ACSM2A: variants seen among roughly 807,000 people sequenced by gnomAD.
ACSM2A encodes the protein acyl-coenzyme A synthetase ACSM2A, mitochondrial.
A neutral mutation model predicts 76.6 loss-of-function variants in ACSM2A; 72 were observed. The ratio of observed to expected loss-of-function variants is 0.94; its 90% CI spans 0.78 to 1.14. The LOEUF (loss-of-function observed/expected upper bound fraction) is 1.14, where lower values mean the gene tolerates loss of function less well. Among genes scored for constraint, ACSM2A ranks in the 50% most tolerant of loss-of-function variants. The probability of loss-of-function intolerance (pLI) is 0.00; values close to 1 mark genes in which losing one functional copy is unlikely to be tolerated. For synonymous variants in ACSM2A, 249 were observed against 255.9 expected, an observed-to-expected ratio of 0.97 and a Z score of 0.26; for missense variants, 684 against 708.5, an observed-to-expected ratio of 0.97 and a Z score of 0.39.
intron 2 of ACSM2A, among the ~76,000 whole-genome samples, chr16:20,463,055 G>A (rs2012728562): frequency 7.7e-6 from 1 of 129,280 alleles, no homozygotes; most frequent in Non-Finnish European, 1.6e-5. Context: ...ACACAGGAAG[G>A]GGAACATCAC....
chr16:20,451,768 G>A (rs999950081), intron 1 of ACSM2A, 87 bp downstream of exon 1: 4 of 149,062 alleles, frequency 2.7e-5, no homozygotes, highest in African/African-American at 9.9e-5. Context: ...GGTGAGAAGA[G>A]CAAAAATCCT....
intron 13 of ACSM2A, among the ~76,000 whole-genome samples, chr16:20,485,599 A>G (rs1225140198): frequency 6.6e-6 from 1 of 152,244 alleles, no homozygotes; most frequent in Non-Finnish European, 1.5e-5. Context: ...GAGTGTTTCA[A>G]TGAAACTTTA....
intron 2 of ACSM2A, among the ~76,000 whole-genome samples, chr16:20,464,686 G>C (rs999529523): frequency 1.3e-5 from 2 of 152,128 alleles, no homozygotes; most frequent in African/African-American, 2.4e-5. Flanking sequence ...TTCAACATGA[G>C]ACTTGGAGAG....
At chr16:20,473,660 A>G (rs1352363201) in intron 6 of ACSM2A, among the ~76,000 whole-genome samples, 1 of 152,020 alleles carries the variant, frequency 6.6e-6, no homozygotes, top group Non-Finnish European at 1.5e-5. Flanking sequence ...CAAAAATAAA[A>G]TCCTAAGGCC....
chr16:20,475,945 A>C lies in ACSM2A; in HGVS notation c.1098+172A>C. On this transcript the variant is annotated intron_variant, in intron 8 of 13. Transcript: ENST00000573854. ...TTGAAAATTCCGCACAGAACAAAAA[A>C]GGCAAAGTTCCTGTTTTCTGGGAGA... is the stretch of plus-strand genomic sequence containing the variant. 2.1e-6 allele frequency: 3 copies of C among 1,429,880 alleles called. No individual in the cohort carries two copies. In the South Asian group the frequency reaches 4.8e-5, roughly 23 times the overall value. 88.6% of individuals were successfully genotyped at this position (1,429,880 alleles called of 1,614,324 possible).
In ACSM2A at chr16:20,469,381, A is replaced by C. The variant is rs923296715; in HGVS notation, c.389-131A>C. On this transcript the variant is annotated intron_variant, in intron 3 of 13. Transcript: ENST00000573854. ...TTGTCCTTAGTTCCCTTTTTTATTG[A>C]CACTCTCTATTGGTCATTACTTCCT... 6 of 1,467,780 alleles carry C rather than the reference A, an allele frequency of 4.1e-6. No individual in the cohort carries two copies. The African/African-American group carries it at 8.5e-5, about 21-fold the overall frequency. 90.9% of individuals were successfully genotyped at this position (1,467,780 alleles called of 1,614,324 possible).
chr16:20,479,966 T>C (rs375449485), intron 10 of ACSM2A, among the ~76,000 whole-genome samples: 3 of 152,306 alleles, frequency 2.0e-5, no homozygotes, highest in African/African-American at 7.2e-5. Flanking sequence ...TATGCCACCA[T>C]ATATAATCCA....
Position 20,460,175 on chromosome 16 carries a change from C to A in ACSM2A, c.61C>A (p.Arg21Ser), listed in dbSNP as rs769438390. 6.2e-7 allele frequency: 1 copy of A among 1,613,164 alleles called. No individual in the cohort carries two copies. Among genetic ancestry groups the A allele is most frequent in the South Asian group, 1.1e-5 (1 of 91,016 alleles). The part of the protein sequence containing the change: ...CTLWGTQMSS[R>S]TLYINSRQLV... The stretch of plus-strand genomic sequence containing the variant: ...CCTGTGGGGTACTCAGATGTCCAGC[C>A]GCACTCTCTACATTAATAGTAGGCA... Residue 21 changes from arginine to serine, a missense_variant, in exon 2 of 14, where the codon CGC becomes AGC. Physicochemically the swap from Arg to Ser is moderately radical, Grantham distance 110. This residue lies in a region of ACSM2A where 519 missense variants were observed against 549.5 expected (regional missense o/e 0.94). Transcript: ENST00000573854.
rs556547446 is a variant in ACSM2A at position 20,480,827 on chromosome 16, G to A, written c.1415G>A (p.Arg472Gln). Residue 472 changes from arginine to glutamine, a missense_variant, in exon 12 of 14, where the codon CGG (arginine) becomes CAG (glutamine). By Grantham distance (43) the Arg-to-Gln change is conservative (BLOSUM62 1). Coordinates refer to ENST00000573854, the MANE Select transcript of ACSM2A (RefSeq NM_001308172.2). ...AAGGACAGGTTCTTCTGCAGGTACCGGATTGGACCCTCGGAGGTAGAGAAT... is the reference window on the plus strand; with the variant it reads ...AAGGACAGGTTCTTCTGCAGGTACCAGATTGGACCCTCGGAGGTAGAGAAT... ...ANDIINSSGY[R>Q]IGPSEVENAL... 1.5e-5 allele frequency: 24 copies of A among 1,613,952 alleles called. No homozygotes were observed. Among genetic ancestry groups the A allele is most frequent in the South Asian group, 7.7e-5 (7 of 91,064 alleles).
intron 3 of ACSM2A, among the ~76,000 whole-genome samples, chr16:20,468,566 G>C (rs1460574160): frequency 6.6e-6 from 1 of 152,140 alleles, no homozygotes; most frequent in Non-Finnish European, 1.5e-5. Flanking sequence ...CGCCATGTTG[G>C]CCAGGCTGGT....
At position 20,455,480 on chromosome 16, in the gene ACSM2A, G is replaced by A. The variant is rs2012093161; in HGVS notation, c.-9+3799G>A. On this transcript the variant is annotated intron_variant, in intron 1 of 13. Transcript: ENST00000573854. ...GAAATCCTACAAGCTAGAAGGGATT[G>A]GGGCCCTATCTTCACACTCCTTAAA... is the stretch of plus-strand genomic sequence containing the variant. Among the ~76,000 whole-genome samples the A allele has an allele frequency of 2.0e-5, 3 of 150,850 alleles. No individual in the cohort carries two copies. The South Asian group carries it at 6.4e-4, about 32-fold the overall frequency.
In ACSM2A at chr16:20,469,917, A is replaced by G. The variant is rs1238128407; in HGVS notation, c.596+198A>G. 3.5e-5 allele frequency among the ~76,000 whole-genome samples: 5 copies of G among 141,394 alleles called. No homozygotes were observed. The South Asian group carries it at 7.2e-4, about 20-fold the overall frequency. 92.8% of individuals were successfully genotyped at this position (141,394 alleles called of 152,430 possible). A position where few individuals can be genotyped will look rare whatever the true frequency, so the allele number is the denominator to read the frequency against. On this transcript the variant is annotated intron_variant, in intron 4 of 13. Coordinates refer to ENST00000573854, the MANE Select transcript of ACSM2A (RefSeq NM_001308172.2). ...TTTTTCAAATCATTGCAAGGACTAAATGGGGCTTGATCTGCCTGGACCTTC... is the reference window on the plus strand; with the variant it reads ...TTTTTCAAATCATTGCAAGGACTAAGTGGGGCTTGATCTGCCTGGACCTTC...
intron 1 of ACSM2A, among the ~76,000 whole-genome samples, chr16:20,458,916 A>G (rs1307626998): frequency 5.1e-5 from 3 of 59,162 alleles, no homozygotes; most frequent in Non-Finnish European, 9.0e-5. Flanking sequence ...ATATATATAT[A>G]TATATATATA....
intron 13 of ACSM2A, among the ~76,000 whole-genome samples, chr16:20,485,163 A>G (rs1258945578): frequency 6.6e-6 from 1 of 152,200 alleles, no homozygotes; most frequent in Non-Finnish European, 1.5e-5. Context: ...TTTAATAAGT[A>G]TTTACAAAGG....
chr16:20,454,819 T>G (rs952241208), intron 1 of ACSM2A, among the ~76,000 whole-genome samples: 19 of 150,972 alleles, frequency 1.3e-4, no homozygotes, highest in Non-Finnish European at 2.7e-4. Flanking sequence ...AAGAAACTCC[T>G]AATTTACCTG....
In ACSM2A at chr16:20,469,429, T is replaced by C. The variant is rs563431501; in HGVS notation, c.389-83T>C. 18 of 1,586,806 alleles carry C rather than the reference T, an allele frequency of 1.1e-5. No homozygotes were observed. The African/African-American group carries it at 2.4e-4, about 21-fold the overall frequency. ...CCTCATCCTCTCCTTCCCCACTTGC[T>C]CGCTGCTTGATGTTTATCTCAGGCT... On this transcript the variant is annotated intron_variant, in intron 3 of 13. Coordinates refer to ENST00000573854, the MANE Select transcript of ACSM2A (RefSeq NM_001308172.2).
intron 1 of ACSM2A, among the ~76,000 whole-genome samples, chr16:20,454,064 A>C (rs2011965880): frequency 8.5e-6 from 1 of 117,450 alleles, no homozygotes; most frequent in African/African-American, 3.9e-5. Flanking sequence ...CTTGTGACCT[A>C]CTCCCTGTTC....
At chr16:20,482,319 T>C (rs1291802153) in intron 12 of ACSM2A, 6 of 152,088 alleles carry the variant, frequency 3.9e-5, no homozygotes, top group Admixed American at 3.9e-4. Context: ...GAGGAGGGAT[T>C]TGAGCCAAAG....
rs118027387 is a variant in ACSM2A at position 20,479,049 on chromosome 16, G to T, written c.1281+372G>T. On this transcript the variant is annotated intron_variant, in intron 10 of 13. Transcript: ENST00000573854. Reference sequence around the variant, plus strand: ...TGCTCTATGCCATTGATCTTCTTTAGAGCCATGCCAGGCACTTTACAGTAA... The same window carrying T: ...TGCTCTATGCCATTGATCTTCTTTATAGCCATGCCAGGCACTTTACAGTAA... Among the ~76,000 whole-genome samples, 7 of 152,096 alleles carry T rather than the reference G, an allele frequency of 4.6e-5. No individual in the cohort carries two copies. In the East Asian group the frequency reaches 1.4e-3, roughly 29 times the overall value.
Sources: gnomAD v4.1 joint callset for allele counts (sites outside exome capture counted in the v4.1 genomes callset) on GRCh38, gnomAD v4.1.1 for gene constraint, gnomAD v4.1.1 regional missense constraint, MANE v1.5 for transcripts, NCBI Gene and HGNC (gene_info 2026-07-23, HGNC 2026-07-21) for gene names.